The following SNX8 variants were observed in gnomAD, a reference collection of about 807,000 sequenced individuals.
The protein encoded by SNX8 is sorting nexin 8.
A neutral mutation model predicts 51.6 loss-of-function variants in SNX8; 25 were observed. That is an observed-to-expected ratio of 0.48 (90% confidence interval 0.35 to 0.68). SNX8 has a LOEUF of 0.68. Among genes scored for constraint, SNX8 ranks in the 30% least tolerant of loss-of-function variants. The probability of loss-of-function intolerance (pLI) is 0.00; values close to 1 mark genes in which losing one functional copy is unlikely to be tolerated. For synonymous variants in SNX8, 324 were observed against 277.0 expected (o/e 1.17, Z -1.68); for missense variants, 695 against 624.0 (o/e 1.11, Z -1.21).
chr7:2,259,052 C>G (rs530503621), intron 7 of SNX8, among the ~76,000 whole-genome samples: 2 of 152,202 alleles, frequency 1.3e-5, no homozygotes, highest in Non-Finnish European at 2.9e-5. Flanking sequence ...GCACACGGCC[C>G]GAACACACGG....
chr7:2,313,245 G>A (rs532958455), intron 1 of SNX8, among the ~76,000 whole-genome samples: 3 of 152,076 alleles, frequency 2.0e-5, no homozygotes, highest in African/African-American at 7.2e-5. Flanking sequence ...AATACAAGAG[G>A]CCAGGCGCGG....
chr7:2,289,774 C>T (rs545722512), intron 1 of SNX8, among the ~76,000 whole-genome samples: 8 of 152,296 alleles, frequency 5.3e-5, no homozygotes, highest in South Asian at 2.1e-4. Flanking sequence ...CAAAGCCATT[C>T]GGGCCAGGCA....
upstream of SNX8, among the ~76,000 whole-genome samples, chr7:2,314,734 C>T (rs931686529): frequency 2.6e-5 from 4 of 152,232 alleles, no homozygotes; most frequent in Non-Finnish European, 2.9e-5. Context: ...GCACCCACCG[C>T]ACCCTCATTC....
upstream of SNX8, among the ~76,000 whole-genome samples, chr7:2,317,690 C>A (rs1206967526): frequency 1.3e-5 from 2 of 152,076 alleles, no homozygotes; most frequent in South Asian, 4.1e-4. Flanking sequence ...AAGGTAGTTA[C>A]TTCCTCTGGC....
intron 1 of SNX8, among the ~76,000 whole-genome samples, chr7:2,291,945 G>A (rs769613110): frequency 1.5e-4 from 23 of 152,306 alleles, no homozygotes; most frequent in East Asian, 3.9e-4. Flanking sequence ...GTCTAATGAC[G>A]GACAACTGGG....
At chr7:2,347,503 A>G (rs1226352279) in intron 1 of SNX8, among the ~76,000 whole-genome samples, 3 of 150,228 alleles carry the variant, frequency 2.0e-5, no homozygotes, top group African/African-American at 7.3e-5. Context: ...AAAAAAAGAA[A>G]AAAAAAAGAG....
chr7:2,317,400 C>T (rs1796774358), upstream of SNX8, among the ~76,000 whole-genome samples: 1 of 150,886 alleles, frequency 6.6e-6, no homozygotes, highest in Non-Finnish European at 1.5e-5. Flanking sequence ...GTCTCAGCCT[C>T]CCGTGTAGCT....
chr7:2,317,073 G>C (rs113173802), upstream of SNX8, among the ~76,000 whole-genome samples: 1 of 151,920 alleles, frequency 6.6e-6, no homozygotes, highest in Admixed American at 6.6e-5. Context: ...CCCTGGATGG[G>C]TGGTACCAGA....
At chr7:2,258,809 G>C (rs553549987) in intron 7 of SNX8, among the ~76,000 whole-genome samples, 2 of 152,296 alleles carry the variant, frequency 1.3e-5, no homozygotes, top group South Asian at 4.1e-4. Flanking sequence ...CTCTGTGCGG[G>C]CAGCACAGCC....
intron 1 of SNX8, among the ~76,000 whole-genome samples, chr7:2,345,196 A>G (rs1307553094): frequency 6.6e-6 from 1 of 152,182 alleles, no homozygotes; most frequent in Non-Finnish European, 1.5e-5. Context: ...AAAACAACCT[A>G]CTTTTATACG....
At chr7:2,309,277 T>G (rs1796612904) in intron 1 of SNX8, among the ~76,000 whole-genome samples, 2 of 152,156 alleles carry the variant, frequency 1.3e-5, no homozygotes, top group South Asian at 4.1e-4. Context: ...ATCCCAGCAC[T>G]TTGGGAGGCC....
chr7:2,318,205 C>T (rs560489326), upstream of SNX8, among the ~76,000 whole-genome samples: 7 of 152,274 alleles, frequency 4.6e-5, no homozygotes, highest in South Asian at 1.5e-3. Context: ...CCACCATGCC[C>T]AGCTGTTTCC....
intron 1 of SNX8, among the ~76,000 whole-genome samples, chr7:2,331,367 T>C (rs1161431608): frequency 6.6e-6 from 1 of 151,726 alleles, no homozygotes; most frequent in Non-Finnish European, 1.5e-5. Context: ...TTCTATATAC[T>C]AGCGATGTAC....
intron 2 of SNX8, among the ~76,000 whole-genome samples, chr7:2,275,492 G>A (rs1182736360): frequency 1.3e-5 from 2 of 152,074 alleles, no homozygotes; most frequent in Admixed American, 1.3e-4. Context: ...CTGAGGTCAG[G>A]AGTTAAAGAG....
At chr7:2,344,098 G>A (rs1236367119) in intron 1 of SNX8, among the ~76,000 whole-genome samples, 1 of 151,848 alleles carries the variant, frequency 6.6e-6, no homozygotes, top group African/African-American at 2.4e-5. Flanking sequence ...CAGCTATTTG[G>A]GTGGCTGAGG....
intron 7 of SNX8, among the ~76,000 whole-genome samples, chr7:2,258,232 G>A (rs979812743): frequency 5.2e-4 from 79 of 152,208 alleles, no homozygotes; most frequent in Admixed American, 5.0e-3. Flanking sequence ...TAGCGAGGAT[G>A]GTCTTGATCT....
chr7:2,271,617 C>G (rs1011711051), intron 4 of SNX8, among the ~76,000 whole-genome samples: 6 of 152,180 alleles, frequency 3.9e-5, no homozygotes, highest in African/African-American at 1.4e-4. Flanking sequence ...CACAGAGATC[C>G]ATGATCTCCA....
chr7:2,261,021 G>A (rs1048558803), intron 7 of SNX8, among the ~76,000 whole-genome samples: 6 of 152,224 alleles, frequency 3.9e-5, no homozygotes, highest in South Asian at 2.1e-4. Context: ...TGGGCACCCC[G>A]CCAACAGCCA....
chr7:2,289,403 G>C (rs898428773), intron 1 of SNX8, among the ~76,000 whole-genome samples: 1 of 152,188 alleles, frequency 6.6e-6, no homozygotes, highest in Admixed American at 6.6e-5. Context: ...AAGTGACTGA[G>C]CCAATTCACA....
Sources: gnomAD v4.1 joint callset for allele counts (sites outside exome capture counted in the v4.1 genomes callset) on GRCh38, gnomAD v4.1.1 for gene constraint, MANE v1.5 for transcripts, NCBI Gene and HGNC (gene_info 2026-07-23, HGNC 2026-07-21) for gene names.